ZMYND11: variants seen among roughly 807,000 people sequenced by gnomAD.
ZMYND11 encodes zinc finger MYND domain-containing protein 11.
A neutral mutation model predicts 84.9 loss-of-function variants in ZMYND11; 9 were observed. The observed-to-expected ratio is 0.11, with a 90% CI of 0.06 to 0.18. The LOEUF is 0.18. ZMYND11 is among the 10% of genes least tolerant of loss of function. The pLI is 1.00. For synonymous variants in ZMYND11, 250 were observed against 244.1 expected, an observed-to-expected ratio of 1.02 and a Z score of -0.23; for missense variants, 409 against 761.0, an observed-to-expected ratio of 0.54 and a Z score of 5.44.
At chr10:210,465 C>CA (rs1160368634) in intron 3 of ZMYND11, among the ~76,000 whole-genome samples, 1 of 152,214 alleles carries the variant, frequency 6.6e-6, no homozygotes, top group African/African-American at 2.4e-5. Context: ...TATCACAGCC[C>CA]AAAGGCAGGC....
chr10:130,818 T>C (rs1489883227), upstream of ZMYND11, among the ~76,000 whole-genome samples: 2 of 152,210 alleles, frequency 1.3e-5, no homozygotes, highest in Non-Finnish European at 2.9e-5. Flanking sequence ...TTCTACATCA[T>C]GCTATAGAAG....
At chr10:202,553 G>A (rs1943403945) in intron 2 of ZMYND11, among the ~76,000 whole-genome samples, 1 of 151,782 alleles carries the variant, frequency 6.6e-6, no homozygotes, top group African/African-American at 2.4e-5. Context: ...CAAAGTTATT[G>A]ACTCCTTTGT....
chr10:236,765 A>G (rs1950053118), intron 4 of ZMYND11, 73 bp from the exon 5 acceptor site: 3 of 1,304,094 alleles, frequency 2.3e-6, no homozygotes, highest in Non-Finnish European at 3.2e-6. Flanking sequence ...TGTTTCATAT[A>G]TGTCTTTTAC....
chr10:151,294 C>T (rs1405017860), intron 1 of ZMYND11, among the ~76,000 whole-genome samples: 2 of 152,084 alleles, frequency 1.3e-5, no homozygotes, highest in Non-Finnish European at 1.5e-5. Context: ...TCGAACCCAT[C>T]GCAAAGAAGC....
intron 2 of ZMYND11, among the ~76,000 whole-genome samples, chr10:200,077 G>A (rs1942765571): frequency 6.6e-6 from 1 of 151,198 alleles, no homozygotes; most frequent in South Asian, 2.1e-4. Flanking sequence ...CACTTCCCTG[G>A]CCCGTAGGAA....
chr10:205,682 C>A (rs778208314), intron 2 of ZMYND11, among the ~76,000 whole-genome samples: 5 of 151,492 alleles, frequency 3.3e-5, no homozygotes, highest in African/African-American at 4.9e-5. Flanking sequence ...AGAGTGAGAC[C>A]CTGTACAAAA....
chr10:198,482 A>G (rs1420677186), intron 2 of ZMYND11, among the ~76,000 whole-genome samples: 2 of 152,220 alleles, frequency 1.3e-5, no homozygotes, highest in Non-Finnish European at 2.9e-5. Context: ...CACTGTATCT[A>G]TATTCAGCAA....
intron 1 of ZMYND11, among the ~76,000 whole-genome samples, chr10:167,729 TCTTTA>T (rs1419664326): frequency 6.6e-6 from 1 of 152,134 alleles, no homozygotes; most frequent in Admixed American, 6.6e-5. Flanking sequence ...GTATTATTGA[TCTTTA>T]CTTTTCTTAA....
At chr10:138,951 C>G (rs1358302859) in intron 1 of ZMYND11, among the ~76,000 whole-genome samples, 3 of 152,100 alleles carry the variant, frequency 2.0e-5, no homozygotes. Flanking sequence ...TCAAGTGATT[C>G]TCCTGCTTCA....
intron 14 of ZMYND11, among the ~76,000 whole-genome samples, chr10:250,445 T>TCATTGCAC (rs1176284318): frequency 6.6e-6 from 1 of 152,146 alleles, no homozygotes; most frequent in African/African-American, 2.4e-5. Context: ...CAGAGAGGTG[T>TCATTGCAC]CATTGCACCA....
At chr10:216,839 C>A (rs1375597697) in intron 3 of ZMYND11, among the ~76,000 whole-genome samples, 1 of 151,930 alleles carries the variant, frequency 6.6e-6, no homozygotes, top group African/African-American at 2.4e-5. Context: ...TGTCTGAATT[C>A]TGTTGCACTG....
chr10:246,059 G>A (rs3123252), intron 10 of ZMYND11, among the ~76,000 whole-genome samples: 140,422 of 152,250 alleles, frequency 0.92, 65,126 homozygotes, highest in Non-Finnish European at 0.97. Flanking sequence ...ACAAATTTAA[G>A]CCGAGAAAGA....
intron 4 of ZMYND11, among the ~76,000 whole-genome samples, chr10:231,744 TC>T (rs1361638601): frequency 6.6e-6 from 1 of 152,154 alleles, no homozygotes; most frequent in African/African-American, 2.4e-5. Context: ...GGCTTAAGAA[TC>T]CCTTGTTCAA....
rs185793374 is a variant in ZMYND11 at position 186,154 on chromosome 10, C to T, written c.116+6026C>T. Among the ~76,000 whole-genome samples the T allele has an allele frequency of 1.3e-3, 200 of 151,780 alleles. 1 individual carries two copies. Among genetic ancestry groups the T allele is most frequent in the African/African-American group, 4.6e-3 (191 of 41,482 alleles). On this transcript the variant is annotated intron_variant, in intron 2 of 14. Coordinates refer to ENST00000381604, the MANE Select transcript of ZMYND11 (RefSeq NM_001370100.5). Reference sequence around the variant, plus strand: ...CCTCCAGAGTAGCTAGGACTACAGGCGCCCACCAGGATGCCTGGCTAATTT... The same window carrying T: ...CCTCCAGAGTAGCTAGGACTACAGGTGCCCACCAGGATGCCTGGCTAATTT...
Position 158,422 on chromosome 10 carries a change from T to A in ZMYND11, c.-19-21572T>A, listed in dbSNP as rs188137825. Reference sequence around the variant, plus strand: ...CCTTTTTGTCTTTTCCTTTTTTTTTTTTTTTTTTTATTTTGACACAGGGTC... The same window carrying A: ...CCTTTTTGTCTTTTCCTTTTTTTTTATTTTTTTTTATTTTGACACAGGGTC... On this transcript the variant is annotated intron_variant, in intron 1 of 14. Transcript: ENST00000381604. 1.5e-3 allele frequency among the ~76,000 whole-genome samples: 224 copies of A among 150,758 alleles called. 1 individual carries two copies. In the East Asian group the frequency reaches 0.018, roughly 12 times the overall value.
intron 1 of ZMYND11, among the ~76,000 whole-genome samples, chr10:166,274 A>G (rs1278212192): frequency 2.6e-5 from 4 of 152,160 alleles, no homozygotes; most frequent in Non-Finnish European, 5.9e-5. Context: ...TGAAAGTTTT[A>G]TGCATTAAAG....
intron 4 of ZMYND11, among the ~76,000 whole-genome samples, chr10:236,289 A>C (rs1477434758): frequency 6.6e-6 from 1 of 152,262 alleles, no homozygotes; most frequent in Non-Finnish European, 1.5e-5. Flanking sequence ...CAATAAATTG[A>C]GGAACCTAAT....
intron 1 of ZMYND11, among the ~76,000 whole-genome samples, chr10:164,760 C>G (rs955644939): frequency 6.6e-6 from 1 of 151,958 alleles, no homozygotes; most frequent in Non-Finnish European, 1.5e-5. Context: ...AAAGGTAGGA[C>G]AGTGTATGTG....
In ZMYND11 at chr10:248,760, T is replaced by C. The variant is rs1952728519; in HGVS notation, c.1501-143T>C. 5.0e-6 allele frequency: 7 copies of C among 1,390,606 alleles called. No homozygotes were observed. The African/African-American group carries it at 5.8e-5, about 12-fold the overall frequency. 86.1% of individuals were successfully genotyped at this position (1,390,606 alleles called of 1,614,324 possible). A position where few individuals can be genotyped will look rare whatever the true frequency, so the allele number is the denominator to read the frequency against. On this transcript the variant is annotated intron_variant, in intron 13 of 14. Coordinates refer to ENST00000381604, the MANE Select transcript of ZMYND11 (RefSeq NM_001370100.5). ...TTTACAGCATTTCAAGTAATAATGATACTTTCCTCACCTAAATTTTTTACA... is the reference window on the plus strand; with the variant it reads ...TTTACAGCATTTCAAGTAATAATGACACTTTCCTCACCTAAATTTTTTACA...
Sources: gnomAD v4.1 joint callset for allele counts (sites outside exome capture counted in the v4.1 genomes callset) on GRCh38, gnomAD v4.1.1 for gene constraint, MANE v1.5 for transcripts, NCBI Gene and HGNC (gene_info 2026-07-23, HGNC 2026-07-21) for gene names.